The following HACD3 variants were observed in gnomAD, a reference collection of about 807,000 sequenced individuals.
The protein encoded by HACD3 is very-long-chain (3R)-3-hydroxyacyl-CoA dehydratase 3.
A neutral mutation model predicts 55.2 loss-of-function variants in HACD3; 30 were observed. The observed-to-expected ratio is 0.54, with a 90% CI of 0.41 to 0.74. The LOEUF is 0.74. Among genes scored for constraint, HACD3 ranks in the 30% least tolerant of loss-of-function variants. The pLI is 0.00. For missense variants in HACD3, 363 were observed against 440.1 expected (o/e 0.82, Z 1.57); for synonymous variants, 141 against 151.7 (o/e 0.93, Z 0.52).
chr15:65,549,058 G>A (rs984119959), intron 1 of HACD3, among the ~76,000 whole-genome samples: 1 of 152,182 alleles, frequency 6.6e-6, no homozygotes, highest in African/African-American at 2.4e-5. Flanking sequence ...CAAAGGCACA[G>A]TTTCTTTTCT....
intron 3 of HACD3, among the ~76,000 whole-genome samples, chr15:65,555,359 T>A (rs1407876927): frequency 6.6e-6 from 1 of 152,210 alleles, no homozygotes; most frequent in Non-Finnish European, 1.5e-5. Flanking sequence ...GGGGTTACTT[T>A]CATGTGACTT....
At position 65,572,037 on chromosome 15, in the gene HACD3, C is replaced by G. The variant is rs7169435; in HGVS notation, c.881-198C>G. ...ACTACCATGACTTCCTCATCTGTCT[C>G]TCTGTTGACAGGTTGGAGGCTGATC... On this transcript the variant is annotated intron_variant, in intron 9 of 10. Transcript: ENST00000261875. Among the ~76,000 whole-genome samples, 1,145 of 152,290 alleles carry G rather than the reference C, an allele frequency of 7.5e-3. 15 individuals carry two copies. The highest frequency in any genetic ancestry group is 0.026 in the African/African-American group (1,092 of 41,560).
chr15:65,548,611 C>T (rs1596208846), intron 1 of HACD3, among the ~76,000 whole-genome samples: 1 of 151,802 alleles, frequency 6.6e-6, no homozygotes, highest in South Asian at 2.1e-4. Flanking sequence ...CTTAGTCTGT[C>T]ATCCAGGCTG....
At chr15:65,530,775 C>T (rs1267112484) in intron 1 of HACD3, 57 bp downstream of exon 1, 5 of 1,466,622 alleles carry the variant, frequency 3.4e-6, no homozygotes, top group Non-Finnish European at 9.2e-7. Flanking sequence ...GGGTACCCGC[C>T]AGGACCCCTG....
At chr15:65,538,023 C>T (rs1370921193) in intron 1 of HACD3, among the ~76,000 whole-genome samples, 1 of 138,590 alleles carries the variant, frequency 7.2e-6, no homozygotes, top group African/African-American at 2.7e-5. Context: ...CAAAATATTA[C>T]TGCTCATTGA....
At chr15:65,543,979 A>G (rs1596206591) in intron 1 of HACD3, among the ~76,000 whole-genome samples, 2 of 152,138 alleles carry the variant, frequency 1.3e-5, no homozygotes, top group African/African-American at 4.8e-5. Flanking sequence ...GATCAAGACC[A>G]TCCTGGCTAA....
At chr15:65,543,803 A>G (rs374670554) in intron 1 of HACD3, among the ~76,000 whole-genome samples, 13 of 152,332 alleles carry the variant, frequency 8.5e-5, no homozygotes, top group African/African-American at 2.6e-4. Context: ...AGGGATTTCT[A>G]CTGGCCAAGT....
At chr15:65,574,809 AC>A (rs1456286163) in intron 10 of HACD3, among the ~76,000 whole-genome samples, 2 of 152,194 alleles carry the variant, frequency 1.3e-5, no homozygotes, top group Non-Finnish European at 2.9e-5. Flanking sequence ...GAAGAGAGGA[AC>A]CCTCAGTTCA....
At chr15:65,560,181 C>G (rs779901843) in intron 5 of HACD3, among the ~76,000 whole-genome samples, 7 of 151,866 alleles carry the variant, frequency 4.6e-5, no homozygotes, top group Non-Finnish European at 8.8e-5. Context: ...CTGGCTTAGG[C>G]TGCTTTTGAT....
chr15:65,542,776 A>C (rs996645477), intron 1 of HACD3, among the ~76,000 whole-genome samples: 9 of 152,138 alleles, frequency 5.9e-5, no homozygotes, highest in Non-Finnish European at 1.2e-4. Context: ...CAAAGATAAA[A>C]TTGTCTTAAA....
chr15:65,573,819 A>G (rs1000782275), intron 10 of HACD3, among the ~76,000 whole-genome samples: 2 of 152,198 alleles, frequency 1.3e-5, no homozygotes, highest in Non-Finnish European at 1.5e-5. Flanking sequence ...AACTAAGAAC[A>G]TAAAAACAGA....
intron 2 of HACD3, among the ~76,000 whole-genome samples, chr15:65,554,236 C>T (rs1688781731): frequency 6.6e-6 from 1 of 152,134 alleles, no homozygotes; most frequent in Non-Finnish European, 1.5e-5. Flanking sequence ...CCGTGTGGCT[C>T]CTTTGGCATT....
chr15:65,552,746 G>A (rs895987361), intron 2 of HACD3, among the ~76,000 whole-genome samples: 3 of 151,242 alleles, frequency 2.0e-5, no homozygotes, highest in Admixed American at 2.0e-4. Flanking sequence ...CGTTGTGCAG[G>A]TTAGTTACAT....
rs1191574324 is a variant in HACD3, at chr15:65,554,955, C to A, written c.199C>A (p.Pro67Thr). 7 of 1,602,356 alleles carry A rather than the reference C, an allele frequency of 4.4e-6. No individual in the cohort carries two copies. The highest frequency in any genetic ancestry group is 6.0e-6 in the Non-Finnish European group (7 of 1,169,482). The change falls in exon 3 of 11, where the codon CCA becomes ACA. Residue 67 changes from proline (P) to threonine (T), a missense_variant. Physicochemically the swap from Pro to Thr is conservative, Grantham distance 38. Transcript: ENST00000261875. ...FHLEFLDLVKPEPVYKLTQRQ... is the reference protein window; with the variant it reads ...FHLEFLDLVKTEPVYKLTQRQ... ...CCTGGAGTTCTTAGACCTTGTGAAA[C>A]CAGAGGTATGTTCTTTCCTTTCTCA...
chr15:65,533,604 A>G (rs2071924180), intron 1 of HACD3, among the ~76,000 whole-genome samples: 1 of 151,510 alleles, frequency 6.6e-6, no homozygotes, highest in Admixed American at 6.6e-5. Flanking sequence ...TATGTCCCAT[A>G]GGAGAATAAC....
rs915593046 is a variant in HACD3, at chr15:65,564,360, T to C, written c.660+18T>C. The C allele has an allele frequency of 1.2e-6, 2 of 1,608,584 alleles. No individual in the cohort carries two copies. The highest frequency in any genetic ancestry group is 1.7e-6 in the Non-Finnish European group (2 of 1,176,924). On this transcript the variant is annotated intron_variant, in intron 7 of 10. Coordinates refer to ENST00000261875, the MANE Select transcript of HACD3 (RefSeq NM_016395.4). The stretch of plus-strand genomic sequence containing the variant: ...TGATCCAGGTATTGAATAGTTAAGC[T>C]GAAGGGTGGGTAATGGAAGGTCCCA...
chr15:65,533,365 T>C (rs2071921309), intron 1 of HACD3, among the ~76,000 whole-genome samples: 1 of 152,152 alleles, frequency 6.6e-6, no homozygotes, highest in Non-Finnish European at 1.5e-5. Flanking sequence ...TGGTTGGGTA[T>C]CTGAATAAAT....
intron 1 of HACD3, among the ~76,000 whole-genome samples, chr15:65,533,827 G>T: frequency 6.6e-6 from 1 of 151,430 alleles, no homozygotes. Flanking sequence ...CGAGACGGGC[G>T]GATCATGAGG....
Position 65,539,210 on chromosome 15 carries a change from CTTTTTTTT to C in HACD3, c.87+8512_87+8519del, listed in dbSNP as rs71139414. Among the ~76,000 whole-genome samples the C allele has an allele frequency of 1.1e-4, 6 of 54,324 alleles. No individual in the cohort carries two copies. In the East Asian group the frequency reaches 2.9e-3, roughly 27 times the overall value. 35.6% of individuals were successfully genotyped at this position (54,324 alleles called of 152,430 possible). ...TTTCTGAGAATGTTCAGTGACAGGA[CTTTTTTTT>C]TTTTTTTTTTTTTTTTTTTGAGATG... On this transcript the variant is annotated intron_variant, in intron 1 of 10. Transcript: ENST00000261875.
Sources: allele counts gnomAD v4.1 joint callset (sites outside exome capture counted in the v4.1 genomes callset), GRCh38; gene constraint gnomAD v4.1.1; transcripts MANE v1.5; gene names NCBI Gene and HGNC (gene_info 2026-07-23, HGNC 2026-07-21).